Variants in SENP6 observed in about 807,000 individuals in gnomAD.
SENP6 encodes sentrin-specific protease 6.
SENP6 carries 41 observed loss-of-function variants against 134.5 expected under a neutral mutation model. That is an observed-to-expected ratio of 0.30 (90% CI 0.24 to 0.40). The LOEUF is 0.40. Among genes scored for constraint, SENP6 ranks in the 10% least tolerant of loss-of-function variants. The pLI is 1.00. For missense variants in SENP6, 1,248 were observed against 1,312.5 expected, an observed-to-expected ratio of 0.95 and a Z score of 0.76; for synonymous variants, 395 against 429.8, an observed-to-expected ratio of 0.92 and a Z score of 1.00.
At chr6:75,712,777 C>T (rs1775824906) in intron 21 of SENP6, among the ~76,000 whole-genome samples, 1 of 151,758 alleles carries the variant, frequency 6.6e-6, no homozygotes, top group Non-Finnish European at 1.5e-5. Context: ...GTGATGATTA[C>T]CTGTTTTGTT....
chr6:75,682,650 G>A (rs1773546842), intron 16 of SENP6, among the ~76,000 whole-genome samples: 1 of 152,068 alleles, frequency 6.6e-6, no homozygotes, highest in Admixed American at 6.6e-5. Context: ...GTGAGAACAT[G>A]CTGTGTTTGG....
chr6:75,650,017 T>C (rs150636540), intron 7 of SENP6, among the ~76,000 whole-genome samples: 2 of 152,364 alleles, frequency 1.3e-5, no homozygotes, highest in African/African-American at 4.8e-5. Flanking sequence ...TTCACTAATA[T>C]CCTTTTTCTG....
At chr6:75,687,265 C>T (rs1773912689) in intron 16 of SENP6, among the ~76,000 whole-genome samples, 2 of 152,054 alleles carry the variant, frequency 1.3e-5, no homozygotes, top group African/African-American at 4.8e-5. Context: ...TTAAGGTCTT[C>T]TCTACACTCT....
At chr6:75,602,892 G>C (rs1766744021) in intron 1 of SENP6, among the ~76,000 whole-genome samples, 1 of 152,232 alleles carries the variant, frequency 6.6e-6, no homozygotes, top group African/African-American at 2.4e-5. Flanking sequence ...GTGGCCTAAG[G>C]ATGAGAGCAG....
intron 23 of SENP6, among the ~76,000 whole-genome samples, chr6:75,714,533 T>C (rs1007197972): frequency 9.8e-5 from 15 of 152,334 alleles, no homozygotes; most frequent in Admixed American, 3.3e-4. Context: ...GTTTTCATGG[T>C]TGTTTCCCAA....
In SENP6 at chr6:75,627,338, A is replaced by G. The variant is rs117165973; in HGVS notation, c.207+3378A>G. Reference sequence around the variant, plus strand: ...TTTATAAAGTTATTCATGCTGAAAAACTCTAAGGTTTTTCCCACTGCAGGT... The same window carrying G: ...TTTATAAAGTTATTCATGCTGAAAAGCTCTAAGGTTTTTCCCACTGCAGGT... On this transcript the variant is annotated intron_variant, in intron 3 of 23. Coordinates refer to ENST00000447266, the MANE Select transcript of SENP6 (RefSeq NM_015571.4). 4.5e-3 allele frequency among the ~76,000 whole-genome samples: 677 copies of G among 150,562 alleles called. 7 individuals are homozygous for G. Among genetic ancestry groups the G allele is most frequent in the Non-Finnish European group, 7.0e-3 (473 of 67,528 alleles).
chr6:75,606,527 CAT>C (rs999588013), intron 1 of SENP6, among the ~76,000 whole-genome samples: 3 of 152,110 alleles, frequency 2.0e-5, no homozygotes, highest in East Asian at 1.9e-4. Flanking sequence ...ATGTTTTTTT[CAT>C]AGAGTGTTCA....
chr6:75,696,065 CTAAA>C, intron 17 of SENP6, 142 bp downstream of exon 17: 1 of 658,110 alleles, frequency 1.5e-6, no homozygotes, highest in Non-Finnish European at 2.4e-6. Context: ...AGAGAACACA[CTAAA>C]TAAATCAGTT....
chr6:75,688,739 A>G (rs1215894707), intron 16 of SENP6, among the ~76,000 whole-genome samples: 1 of 152,136 alleles, frequency 6.6e-6, no homozygotes, highest in Non-Finnish European at 1.5e-5. Flanking sequence ...TGTGCAATAT[A>G]ATGAAGCCCT....
intron 18 of SENP6, among the ~76,000 whole-genome samples, chr6:75,698,800 CAG>C (rs1199881085): frequency 3.9e-5 from 6 of 152,026 alleles, no homozygotes; most frequent in African/African-American, 1.2e-4. Flanking sequence ...TACTTGAGGT[CAG>C]GGGTTCAAGA....
intron 19 of SENP6, among the ~76,000 whole-genome samples, chr6:75,708,751 G>A (rs1470250288): frequency 6.6e-6 from 1 of 152,126 alleles, no homozygotes; most frequent in Non-Finnish European, 1.5e-5. Flanking sequence ...AAAAATGCCA[G>A]GCATGGTGGT....
chr6:75,633,011 A>T (rs1415984406), intron 3 of SENP6, among the ~76,000 whole-genome samples: 3 of 152,178 alleles, frequency 2.0e-5, no homozygotes, highest in African/African-American at 7.2e-5. Flanking sequence ...TAATTTTATA[A>T]TTGTATGATA....
At position 75,711,332 on chromosome 6, in the gene SENP6, A is replaced by G; in HGVS notation, c.2825A>G (p.Asp942Gly). 2 of 1,611,400 alleles carry G rather than the reference A, an allele frequency of 1.2e-6. No homozygotes were observed. Among genetic ancestry groups the G allele is most frequent in the Non-Finnish European group, 1.7e-6 (2 of 1,177,988 alleles). ...ACAGTAGGCTGTCTTTTATAGGATG[A>G]TAGCAGTGACGATGGATTCCTCGCT... is the stretch of plus-strand genomic sequence containing the variant. ...DFSEDQDNQDDSSDDGFLADD... is the reference protein window; with the variant it reads ...DFSEDQDNQDGSSDDGFLADD... Residue 942 changes from aspartate to glycine, a missense_variant, in exon 21 of 24, where the codon GAT becomes GGT. Coordinates refer to ENST00000447266, the MANE Select transcript of SENP6 (RefSeq NM_015571.4).
chr6:75,659,797 G>A (rs906397339), intron 8 of SENP6, among the ~76,000 whole-genome samples: 39 of 151,910 alleles, frequency 2.6e-4, no homozygotes, highest in African/African-American at 8.5e-4. Flanking sequence ...CCTTCCTCCT[G>A]CCTACCCATA....
At chr6:75,647,205 C>G (rs1770520080) in intron 6 of SENP6, 1 of 152,292 alleles carries the variant, frequency 6.6e-6, no homozygotes, top group Non-Finnish European at 1.5e-5. Context: ...CTTTTTTTCC[C>G]CCCAAATTTT....
Position 75,711,355 on chromosome 6 carries a change from G to T in SENP6, c.2848G>T (p.Ala950Ser). The change falls in exon 21 of 24, where the codon GCT (alanine) becomes TCT (serine). Residue 950 changes from alanine to serine, a missense_variant. By Grantham distance (99) the Ala-to-Ser change is moderately conservative. Around this residue, in one of 3 missense-constraint regions of SENP6, gnomAD observed 386 missense variants for 395.0 expected, o/e 0.98. Coordinates refer to ENST00000447266, the MANE Select transcript of SENP6 (RefSeq NM_015571.4). ...TGATAGCAGTGACGATGGATTCCTC[G>T]CTGATGACAACTGCAGTTCAGAAAT... ...QDDSSDDGFL[A>S]DDNCSSEIGQ... 6.2e-7 allele frequency: 1 copy of T among 1,613,114 alleles called. No individual in the cohort carries two copies.
chr6:75,658,998 AAAGG>A (rs1562015391), intron 7 of SENP6, among the ~76,000 whole-genome samples: 2 of 148,130 alleles, frequency 1.4e-5, no homozygotes, highest in African/African-American at 5.0e-5. Context: ...AAAAAAAAAA[AAAGG>A]GGAATTGTGA....
Position 75,659,345 on chromosome 6 carries a change from A to G in SENP6, c.634A>G (p.Ser212Gly), listed in dbSNP as rs1297946409. ...GAAAGTACAACAGAAACGACACTGT[A>G]GTACCTATCAGCCTACTCCTCCTCT... ...KRKVQQKRHC[S>G]TYQPTPPLSP... The change falls in exon 8 of 24, where the codon AGT becomes GGT. Residue 212 changes from serine to glycine, a missense_variant. Ser to Gly is a moderately conservative substitution (Grantham distance 56, BLOSUM62 0). Around this residue, in one of 3 missense-constraint regions of SENP6, gnomAD observed 733 missense variants for 725.4 expected, o/e 1.01. Coordinates refer to ENST00000447266, the MANE Select transcript of SENP6 (RefSeq NM_015571.4). The G allele has an allele frequency of 3.7e-6, 6 of 1,609,234 alleles. No homozygotes were observed. The Admixed American group carries it at 8.3e-5, about 22-fold the overall frequency.
intron 19 of SENP6, among the ~76,000 whole-genome samples, chr6:75,708,920 A>T (rs1186575719): frequency 6.6e-6 from 1 of 152,134 alleles, no homozygotes; most frequent in Non-Finnish European, 1.5e-5. Flanking sequence ...TAAATAAAAT[A>T]AAAAATTGAA....
Sources: gnomAD v4.1 joint callset for allele counts (sites outside exome capture counted in the v4.1 genomes callset) on GRCh38, gnomAD v4.1.1 for gene constraint, gnomAD v4.1.1 regional missense constraint, MANE v1.5 for transcripts, NCBI Gene and HGNC (gene_info 2026-07-23, HGNC 2026-07-21) for gene names.